Variants in CFAP69 observed in about 807,000 individuals in gnomAD.
CFAP69 encodes the protein cilia and flagella associated protein 69.
In CFAP69, 92 loss-of-function variants were observed where a neutral mutation model predicts 123.0. The observed-to-expected ratio is 0.75, with a 90% CI of 0.63 to 0.89. The LOEUF (loss-of-function observed/expected upper bound fraction) is 0.89. Ranked by LOEUF, CFAP69 falls within the 40% of genes least tolerant of loss-of-function variation. The probability of loss-of-function intolerance (pLI) is 0.00; values close to 1 mark genes in which losing one functional copy is unlikely to be tolerated. For synonymous variants in CFAP69, 380 were observed against 364.3 expected (o/e 1.04, Z -0.49); for missense variants, 1,067 against 1,096.9 (o/e 0.97, Z 0.39).
intron 15 of CFAP69, among the ~76,000 whole-genome samples, chr7:90,296,079 A>G (rs1165139884): frequency 6.6e-6 from 1 of 152,146 alleles, no homozygotes; most frequent in Non-Finnish European, 1.5e-5. Flanking sequence ...CCTTCTGGAA[A>G]TGCAGCCCAG....
At chr7:90,290,948 C>A (rs1791091413) in intron 15 of CFAP69, among the ~76,000 whole-genome samples, 2 of 152,028 alleles carry the variant, frequency 1.3e-5, no homozygotes, top group South Asian at 4.1e-4. Flanking sequence ...AGTCCACATT[C>A]CCTATCAGGA....
chr7:90,255,084 T>C (rs1407438084), intron 1 of CFAP69, among the ~76,000 whole-genome samples: 1 of 152,250 alleles, frequency 6.6e-6, no homozygotes, highest in Non-Finnish European at 1.5e-5. Context: ...TTACCATGTA[T>C]CTGCATAGGC....
intron 13 of CFAP69, among the ~76,000 whole-genome samples, chr7:90,285,229 GCTCAGCTAGC>G (rs1166103869): frequency 1.3e-5 from 2 of 152,044 alleles, no homozygotes; most frequent in African/African-American, 4.8e-5. Flanking sequence ...CCTCCAGCAG[GCTCAGCTAGC>G]CTCTCTTAGG....
At chr7:90,251,176 C>T (rs1020272493) in intron 1 of CFAP69, among the ~76,000 whole-genome samples, 1 of 152,024 alleles carries the variant, frequency 6.6e-6, no homozygotes, top group African/African-American at 2.4e-5. Flanking sequence ...GTTTATTCAG[C>T]GGTTGCTATA....
intron 1 of CFAP69, 35 bp from the exon 2 acceptor site, chr7:90,255,388 A>G: frequency 6.5e-7 from 1 of 1,539,712 alleles, no homozygotes; most frequent in Admixed American, 1.7e-5. Flanking sequence ...GATATAGAAG[A>G]TGATCTAGAA....
At chr7:90,281,170 G>A (rs567669788) in intron 12 of CFAP69, among the ~76,000 whole-genome samples, 1 of 152,266 alleles carries the variant, frequency 6.6e-6, no homozygotes, top group African/African-American at 2.4e-5. Context: ...CTTTGTATCA[G>A]ATGGGTAGAA....
chr7:90,304,826 T>C lies in CFAP69; in HGVS notation c.2265+6T>C. 7.0e-7 allele frequency: 1 copy of C among 1,423,542 alleles called. No homozygotes were observed. The highest frequency in any genetic ancestry group is 1.2e-5 in the South Asian group (1 of 83,194). The allele number at this position is 1,423,542 out of a possible 1,614,324, so 88.2% of individuals were successfully genotyped here. A position where few individuals can be genotyped will look rare whatever the true frequency, so the allele number is the denominator to read the frequency against. On this transcript the variant is annotated splice_donor_region_variant and intron_variant, in intron 19 of 22. Coordinates refer to ENST00000389297, the MANE Select transcript of CFAP69 (RefSeq NM_001039706.3). ...ATAGATATCTTGATTTTAAAGTAAG[T>C]ATCTTTTTAATAACCTGATTATTAA...
At chr7:90,245,691 C>G in intron 1 of CFAP69, 147 bp downstream of exon 1, 1 of 1,101,646 alleles carries the variant, frequency 9.1e-7, no homozygotes, top group Non-Finnish European at 1.2e-6. Flanking sequence ...AAGCGCAGAG[C>G]TAATCCTGAT....
intron 16 of CFAP69, among the ~76,000 whole-genome samples, chr7:90,298,061 T>C (rs1262277700): frequency 2.0e-5 from 3 of 152,214 alleles, no homozygotes; most frequent in Non-Finnish European, 4.4e-5. Flanking sequence ...TTCAGTGTTT[T>C]CAAATACACG....
downstream of CFAP69, among the ~76,000 whole-genome samples, chr7:90,311,763 G>A (rs959924846): frequency 4.6e-5 from 7 of 152,110 alleles, no homozygotes. Context: ...TAGATTGGCG[G>A]CTTCTCACCC....
chr7:90,290,607 C>G (rs1790984348), intron 15 of CFAP69, among the ~76,000 whole-genome samples: 1 of 152,158 alleles, frequency 6.6e-6, no homozygotes, highest in Non-Finnish European at 1.5e-5. Flanking sequence ...AGGGGTAAAA[C>G]CTGGGACCAC....
chr7:90,260,178 CA>C (rs1357038145), intron 3 of CFAP69, among the ~76,000 whole-genome samples: 1 of 152,000 alleles, frequency 6.6e-6, no homozygotes, highest in Non-Finnish European at 1.5e-5. Context: ...CCAGGGAATC[CA>C]AAAGACTGAA....
intron 1 of CFAP69, among the ~76,000 whole-genome samples, chr7:90,251,539 T>C (rs1036007039): frequency 1.3e-5 from 2 of 152,186 alleles, no homozygotes; most frequent in African/African-American, 2.4e-5. Flanking sequence ...ATATGTTCAG[T>C]CTCAAACCAT....
chr7:90,313,615 T>A (rs1794512201), downstream of CFAP69, among the ~76,000 whole-genome samples: 1 of 152,168 alleles, frequency 6.6e-6, no homozygotes, highest in Admixed American at 6.5e-5. Flanking sequence ...CTGGAATGAT[T>A]TGAACAAATC....
chr7:90,281,647 G>A lies in CFAP69; in HGVS notation c.1373-1245G>A, dbSNP rs28453064. Among the ~76,000 whole-genome samples the A allele has an allele frequency of 5.9e-3, 895 of 152,254 alleles. 15 individuals carry two copies. Among genetic ancestry groups the A allele is most frequent in the African/African-American group, 0.02 (846 of 41,556 alleles). On this transcript the variant is annotated intron_variant, in intron 12 of 22. Transcript: ENST00000389297. ...AGATGTAAATATGAAAAGTCATACA[G>A]TGAAACTCTTAGAAGAAAACATGGG...
downstream of CFAP69, among the ~76,000 whole-genome samples, chr7:90,311,773 C>G (rs1794354005): frequency 6.6e-6 from 1 of 152,178 alleles, no homozygotes; most frequent in African/African-American, 2.4e-5. Flanking sequence ...GCTTCTCACC[C>G]TGGCCCAGAT....
At position 90,247,567 on chromosome 7, in the gene CFAP69, G is replaced by T. The variant is rs1009495094; in HGVS notation, c.120+2023G>T. Among the ~76,000 whole-genome samples, 3 of 152,096 alleles carry T rather than the reference G, an allele frequency of 2.0e-5. 1 individual carries two copies. The highest frequency in any genetic ancestry group is 7.2e-5 in the African/African-American group (3 of 41,402). ...AGATTAAATTAAATAATATATATAG[G>T]CCGGGTGTGGTGGTTCACACCTGTA... On this transcript the variant is annotated intron_variant, in intron 1 of 22. Coordinates refer to ENST00000389297, the MANE Select transcript of CFAP69 (RefSeq NM_001039706.3).
chr7:90,273,581 G>T (rs953048443), intron 8 of CFAP69, among the ~76,000 whole-genome samples: 5 of 152,136 alleles, frequency 3.3e-5, no homozygotes, highest in African/African-American at 1.2e-4. Flanking sequence ...TTTGTTGATA[G>T]ACATTCAGGA....
At chr7:90,285,986 A>G (rs1790215989) in intron 13 of CFAP69, among the ~76,000 whole-genome samples, 1 of 152,154 alleles carries the variant, frequency 6.6e-6, no homozygotes, top group Non-Finnish European at 1.5e-5. Flanking sequence ...GTTACTATGC[A>G]ATGAAAATAT....
Sources: allele counts gnomAD v4.1 joint callset (sites outside exome capture counted in the v4.1 genomes callset), GRCh38; gene constraint gnomAD v4.1.1; transcripts MANE v1.5; gene names NCBI Gene and HGNC (gene_info 2026-07-23, HGNC 2026-07-21).